The following SCAND3 variants were observed in gnomAD, a reference collection of about 807,000 sequenced individuals.
SCAND3 encodes the protein SCAN domain-containing protein 3.
the SCAND3 span, among the ~76,000 whole-genome samples, chr6:28,612,792 G>A: frequency 5.3e-5 from 8 of 152,188 alleles, no homozygotes; most frequent in African/African-American, 9.7e-5. Flanking sequence ...ATATCTGAAA[G>A]TGTCTTCTAA....
the SCAND3 span, among the ~76,000 whole-genome samples, chr6:28,593,281 C>T: frequency 6.6e-6 from 1 of 151,662 alleles, no homozygotes; most frequent in Non-Finnish European, 1.5e-5. Flanking sequence ...AGAAGATATA[C>T]AAATGGCAAT....
the SCAND3 span, among the ~76,000 whole-genome samples, chr6:28,584,325 A>G: frequency 2.0e-5 from 3 of 152,114 alleles, no homozygotes; most frequent in Non-Finnish European, 2.9e-5. Flanking sequence ...ACTGAGAATT[A>G]TAAGAATTTT....
chr6:28,583,070 G>A, the SCAND3 span, among the ~76,000 whole-genome samples: 1 of 151,812 alleles, frequency 6.6e-6, no homozygotes, highest in African/African-American at 2.4e-5. Flanking sequence ...GGAAAGGGGG[G>A]GCAAGGGTGG....
At chr6:28,612,123 G>C in the SCAND3 span, among the ~76,000 whole-genome samples, 4 of 151,466 alleles carry the variant, frequency 2.6e-5, no homozygotes, top group African/African-American at 9.7e-5. Context: ...TGCAACCTCT[G>C]CCTCCCAGCT....
At chr6:28,586,640 C>G in the SCAND3 span, 2 of 1,614,124 alleles carry the variant, frequency 1.2e-6, no homozygotes, top group Non-Finnish European at 1.7e-6. The surrounding 1 kb of genome is among the most constrained non-coding windows in gnomAD (Gnocchi z 4.4). Flanking sequence ...CTTCTTTAAC[C>G]TTTACTTTGA....
At chr6:28,582,499 T>C in the SCAND3 span, among the ~76,000 whole-genome samples, 1 of 152,094 alleles carries the variant, frequency 6.6e-6, no homozygotes, top group African/African-American at 2.4e-5. The surrounding 1 kb of genome is among the most constrained non-coding windows in gnomAD (Gnocchi z 4.8). Context: ...ACATAACATA[T>C]GAATGTATTA....
the SCAND3 span, among the ~76,000 whole-genome samples, chr6:28,603,145 T>C: frequency 3.3e-5 from 5 of 151,970 alleles, no homozygotes; most frequent in Non-Finnish European, 7.4e-5. Context: ...TTTGTATTTT[T>C]AGTAGAGACG....
At chr6:28,586,571 T>C in the SCAND3 span, 2 of 1,613,874 alleles carry the variant, frequency 1.2e-6, no homozygotes, top group African/African-American at 1.3e-5. The surrounding 1 kb of genome is among the most constrained non-coding windows in gnomAD (Gnocchi z 4.4). Flanking sequence ...GACGAGAGAG[T>C]TCCCTGGTAT....
At chr6:28,572,665 C>T in the SCAND3 span, 3 of 1,614,062 alleles carry the variant, frequency 1.9e-6, no homozygotes, top group Non-Finnish European at 2.5e-6. The surrounding 1 kb of genome is among the most constrained non-coding windows in gnomAD (Gnocchi z 4.1). Context: ...GAGTTCATTT[C>T]GTATTTCAAA....
chr6:28,612,845 C>A, the SCAND3 span, among the ~76,000 whole-genome samples: 1 of 152,160 alleles, frequency 6.6e-6, no homozygotes, highest in Non-Finnish European at 1.5e-5. Context: ...CTTCCCACTC[C>A]TCTCCACCAC....
At chr6:28,573,553 T>C in the SCAND3 span, 1 of 1,613,422 alleles carries the variant, frequency 6.2e-7, no homozygotes, top group South Asian at 1.1e-5. Context: ...TGAATATAAA[T>C]GTCGCTTAAG....
the SCAND3 span, among the ~76,000 whole-genome samples, chr6:28,594,801 C>G: frequency 2.6e-5 from 4 of 152,082 alleles, no homozygotes; most frequent in African/African-American, 9.6e-5. Context: ...ACTTCATGAT[C>G]TCACTTATAT....
the SCAND3 span, among the ~76,000 whole-genome samples, chr6:28,582,394 G>A: frequency 3.3e-5 from 5 of 152,000 alleles, no homozygotes; most frequent in Non-Finnish European, 7.4e-5. This position sits in a 1 kb window ranked among gnomAD's most constrained non-coding sequence, Gnocchi z 4.8. Flanking sequence ...ATATCTTAAG[G>A]GGGAAAAAAA....
At chr6:28,604,628 A>AG in the SCAND3 span, among the ~76,000 whole-genome samples, 2 of 152,136 alleles carry the variant, frequency 1.3e-5, no homozygotes, top group African/African-American at 4.8e-5. Flanking sequence ...AAAAAAAAAA[A>AG]AAAAATTTAA....
chr6:28,610,605 T>C, the SCAND3 span, among the ~76,000 whole-genome samples: 3 of 152,094 alleles, frequency 2.0e-5, no homozygotes, highest in Non-Finnish European at 4.4e-5. Context: ...AACAAAGTCA[T>C]CCACAATCAC....
the SCAND3 span, among the ~76,000 whole-genome samples, chr6:28,613,961 T>G: frequency 2.6e-5 from 4 of 151,802 alleles, no homozygotes; most frequent in East Asian, 5.8e-4. Flanking sequence ...CACTTTCTTT[T>G]CTTTTCTTTT....
chr6:28,595,025 G>C, the SCAND3 span, among the ~76,000 whole-genome samples: 2 of 151,502 alleles, frequency 1.3e-5, no homozygotes, highest in Non-Finnish European at 2.9e-5. Flanking sequence ...AATTAAAAAA[G>C]AAAACCTGTC....
the SCAND3 span, among the ~76,000 whole-genome samples, chr6:28,577,971 T>TA: frequency 6.6e-6 from 1 of 152,104 alleles, no homozygotes. Context: ...TCCCTTCTTT[T>TA]AAAAAAACTT....
the SCAND3 span, among the ~76,000 whole-genome samples, chr6:28,601,841 C>T: frequency 6.6e-6 from 1 of 152,294 alleles, no homozygotes; most frequent in East Asian, 1.9e-4. Flanking sequence ...CTTAAGGCTC[C>T]ACCGATGTTG....
Sources: gnomAD v4.1 joint callset for allele counts (sites outside exome capture counted in the v4.1 genomes callset) on GRCh38, gnomAD v4.1.1 for gene constraint, Gnocchi (gnomAD v3.1) non-coding constraint, MANE v1.5 for transcripts, NCBI Gene and HGNC (gene_info 2026-07-23, HGNC 2026-07-21) for gene names.